Variants in CFAP58 observed in about 807,000 individuals in gnomAD.
CFAP58 encodes the protein cilia and flagella associated protein 58, also known as cilia- and flagella-associated protein 58.
CFAP58 carries 88 observed loss-of-function variants against 119.5 expected under a neutral mutation model. The observed-to-expected ratio is 0.74, with a 90% CI of 0.62 to 0.88. The LOEUF is 0.88. Among genes scored for constraint, CFAP58 ranks in the 40% least tolerant of loss-of-function variants. The probability of loss-of-function intolerance (pLI) is 0.00; values close to 1 mark genes in which losing one functional copy is unlikely to be tolerated. For synonymous variants in CFAP58, 365 were observed against 366.3 expected (o/e 1.00, Z 0.04); for missense variants, 990 against 1,021.2 (o/e 0.97, Z 0.42).
intron 10 of CFAP58, 65 bp downstream of exon 10, chr10:104,392,459 G>T: frequency 8.4e-7 from 1 of 1,195,074 alleles, no homozygotes; most frequent in Non-Finnish European, 1.1e-6. Flanking sequence ...AACAGTTTCT[G>T]TTATCCTAAT....
At chr10:104,410,807 T>A (rs1489784402) in intron 15 of CFAP58, among the ~76,000 whole-genome samples, 1 of 152,240 alleles carries the variant, frequency 6.6e-6, no homozygotes. Flanking sequence ...CTTTATTCAC[T>A]CCTCCTGGAA....
intron 16 of CFAP58, among the ~76,000 whole-genome samples, chr10:104,448,691 T>G (rs988907170): frequency 1.7e-4 from 26 of 152,238 alleles, no homozygotes; most frequent in Admixed American, 1.6e-3. Context: ...TCCTTTTATT[T>G]TAAAAGGGCA....
rs66757511 is a variant in CFAP58, at chr10:104,364,427, AACACACAC to A, written c.441-269_441-262del. Among the ~76,000 whole-genome samples, 848 of 142,216 alleles carry A rather than the reference AACACACAC, an allele frequency of 6.0e-3. 4 individuals carry two copies. Among genetic ancestry groups the A allele is most frequent in the African/African-American group, 7.7e-3 (294 of 38,346 alleles). The allele number at this position is 142,216 out of a possible 152,430, so 93.3% of individuals were successfully genotyped here. A position where few individuals can be genotyped will look rare whatever the true frequency, so the allele number is the denominator to read the frequency against. ...CTGGGCTCTGTAAAAATGTCTGTAA[AACACACAC>A]ACACACACACACACACACACACACA... On this transcript the variant is annotated intron_variant, in intron 3 of 17. Coordinates refer to ENST00000369704, the MANE Select transcript of CFAP58 (RefSeq NM_001008723.2).
chr10:104,431,817 A>G (rs1003495962), intron 15 of CFAP58, among the ~76,000 whole-genome samples: 3 of 152,194 alleles, frequency 2.0e-5, no homozygotes, highest in South Asian at 2.1e-4. Flanking sequence ...TTTTAGATTT[A>G]TATACATGGT....
At chr10:104,369,065 C>G (rs1752919217) in intron 6 of CFAP58, among the ~76,000 whole-genome samples, 2 of 152,124 alleles carry the variant, frequency 1.3e-5, no homozygotes, top group Non-Finnish European at 2.9e-5. Flanking sequence ...AGAGTGCTTG[C>G]AAATTCTTCA....
chr10:104,342,004 A>T, the CFAP58 span, among the ~76,000 whole-genome samples: 1 of 152,240 alleles, frequency 6.6e-6, no homozygotes, highest in East Asian at 1.9e-4. Flanking sequence ...AAGTAACGGA[A>T]TACCAGACTG....
At chr10:104,450,674 TTTA>T (rs2013180525) in intron 17 of CFAP58, among the ~76,000 whole-genome samples, 1 of 124,052 alleles carries the variant, frequency 8.1e-6, no homozygotes, top group African/African-American at 3.9e-5. Context: ...CTATGTTTTA[TTTA>T]TTTATTTATT....
intron 15 of CFAP58, among the ~76,000 whole-genome samples, chr10:104,408,203 G>T (rs1369137172): frequency 6.6e-6 from 1 of 152,212 alleles, no homozygotes; most frequent in African/African-American, 2.4e-5. Flanking sequence ...AGATTACTGT[G>T]TGGTTGAGGG....
intron 15 of CFAP58, among the ~76,000 whole-genome samples, chr10:104,430,207 G>T (rs758134781): frequency 6.6e-6 from 1 of 152,152 alleles, no homozygotes; most frequent in Non-Finnish European, 1.5e-5. Context: ...CTTGTTGGTC[G>T]CTTTCTTTGC....
intron 9 of CFAP58, among the ~76,000 whole-genome samples, chr10:104,389,281 A>T (rs2011986700): frequency 6.6e-6 from 1 of 152,126 alleles, no homozygotes; most frequent in South Asian, 2.1e-4. Context: ...ACGGGTTCTT[A>T]TTACTCCAGC....
At chr10:104,347,342 A>G in the CFAP58 span, among the ~76,000 whole-genome samples, 1 of 152,150 alleles carries the variant, frequency 6.6e-6, no homozygotes. Context: ...TGCTCAACAA[A>G]TGTTCTGTTA....
At chr10:104,417,572 T>A (rs1388862966) in intron 15 of CFAP58, among the ~76,000 whole-genome samples, 1 of 152,308 alleles carries the variant, frequency 6.6e-6, no homozygotes, top group African/African-American at 2.4e-5. Context: ...AGAGTGTTTC[T>A]TTGTTGACAA....
intron 9 of CFAP58, among the ~76,000 whole-genome samples, chr10:104,390,540 A>T (rs1564888952): frequency 6.6e-6 from 1 of 152,190 alleles, no homozygotes. Flanking sequence ...TACATATCTT[A>T]GAGGATTTTT....
chr10:104,363,511 G>T (rs2014699798), intron 3 of CFAP58, among the ~76,000 whole-genome samples: 1 of 152,180 alleles, frequency 6.6e-6, no homozygotes, highest in Non-Finnish European at 1.5e-5. Flanking sequence ...TTATCTTCTT[G>T]TTAAGGAAGT....
At chr10:104,382,808 G>C (rs2011841234) in intron 9 of CFAP58, among the ~76,000 whole-genome samples, 1 of 152,170 alleles carries the variant, frequency 6.6e-6, no homozygotes, top group African/African-American at 2.4e-5. Flanking sequence ...AGTTTCCTGA[G>C]GCTTCCCCAG....
At chr10:104,443,525 A>G (rs963582727) in intron 15 of CFAP58, among the ~76,000 whole-genome samples, 4 of 152,244 alleles carry the variant, frequency 2.6e-5, no homozygotes, top group Admixed American at 6.5e-5. Flanking sequence ...ATGCACTGGC[A>G]TTTGCCAAAT....
At chr10:104,357,977 A>G (rs1228387760) in intron 1 of CFAP58, among the ~76,000 whole-genome samples, 7 of 136,024 alleles carry the variant, frequency 5.1e-5, no homozygotes, top group Non-Finnish European at 1.1e-4. Context: ...ACACATATGT[A>G]CATATGTACA....
chr10:104,371,080 T>C, intron 7 of CFAP58, 26 bp downstream of exon 7: 1 of 1,583,676 alleles, frequency 6.3e-7, no homozygotes, highest in Non-Finnish European at 8.6e-7. Flanking sequence ...CTTTTATTCA[T>C]TTAGAAACAT....
At chr10:104,360,041 C>G (rs958736888) in intron 2 of CFAP58, among the ~76,000 whole-genome samples, 2 of 152,150 alleles carry the variant, frequency 1.3e-5, no homozygotes, top group Non-Finnish European at 2.9e-5. Flanking sequence ...TATAGTTACC[C>G]AAGAGTAATC....
Sources: gnomAD v4.1 joint callset for allele counts (sites outside exome capture counted in the v4.1 genomes callset) on GRCh38, gnomAD v4.1.1 for gene constraint, MANE v1.5 for transcripts, NCBI Gene and HGNC (gene_info 2026-07-23, HGNC 2026-07-21) for gene names.